The following PCDH11Y variants were observed in gnomAD, a reference collection of about 807,000 sequenced individuals.
The protein encoded by PCDH11Y is protocadherin-11 Y-linked.
For synonymous variants in PCDH11Y, 9 were observed against 83.6 expected, an observed-to-expected ratio of 0.11 and a Z score of 4.87; for missense variants, 12 against 224.8, an observed-to-expected ratio of 0.05 and a Z score of 6.05.
At chrY:5,340,767 A>T in intron 2 of PCDH11Y, among the ~76,000 whole-genome samples, 2 of 33,986 alleles carry the variant, frequency 5.9e-5, no homozygotes, top group East Asian at 1.5e-3. Flanking sequence ...TTCATAGATC[A>T]TCTTGAAGGT....
intron 3 of PCDH11Y, among the ~76,000 whole-genome samples, chrY:5,049,129 C>T: frequency 3.1e-5 from 1 of 32,240 alleles, no homozygotes; most frequent in South Asian, 7.0e-4. Flanking sequence ...TGTCCCAGCC[C>T]GATTTGTTGT....
At chrY:5,031,628 T>A in intron 1 of PCDH11Y, among the ~76,000 whole-genome samples, 1 of 32,438 alleles carries the variant, frequency 3.1e-5, no homozygotes, top group Non-Finnish European at 7.6e-5. Flanking sequence ...AGAAATACCT[T>A]CCAGTATACC....
intron 2 of PCDH11Y, among the ~76,000 whole-genome samples, chrY:5,317,456 G>T: frequency 1.5e-4 from 5 of 33,002 alleles, no homozygotes; most frequent in African/African-American, 4.7e-4. Context: ...TGGAGGTGGG[G>T]CCTGGTAGGA....
At chrY:5,578,640 A>G (rs2124697202) in intron 3 of PCDH11Y, among the ~76,000 whole-genome samples, 1 of 33,325 alleles carries the variant, frequency 3.0e-5, no homozygotes, top group South Asian at 6.8e-4. Context: ...GAAACAAAAA[A>G]AGCCCATAAG....
At chrY:5,328,878 C>A (rs1602905497) in intron 2 of PCDH11Y, among the ~76,000 whole-genome samples, 6 of 31,228 alleles carry the variant, frequency 1.9e-4, no homozygotes, top group Admixed American at 6.0e-4. Context: ...AAAGACTCAG[C>A]GACGCTTGGG....
intron 2 of PCDH11Y, among the ~76,000 whole-genome samples, chrY:5,385,848 G>C (rs1602916906): frequency 1.1e-3 from 35 of 33,169 alleles, no homozygotes; most frequent in African/African-American, 3.7e-3. Context: ...CCCACTTTTT[G>C]CTGGGATTTC....
At chrY:5,570,080 A>C in intron 3 of PCDH11Y, among the ~76,000 whole-genome samples, 2 of 33,117 alleles carry the variant, frequency 6.0e-5, no homozygotes, top group Non-Finnish European at 1.5e-4. Context: ...AGTGCAGATG[A>C]TTTTTAAGGC....
exon 5 of PCDH11Y, chrY:5,740,715 A>C: frequency 5.9e-5 from 2 of 33,947 alleles, no homozygotes; most frequent in South Asian, 1.3e-3. Context: ...ACAGCACACA[A>C]GTGGCTATTG....
chrY:5,004,877 T>C, intron 1 of PCDH11Y, among the ~76,000 whole-genome samples: 1 of 34,178 alleles, frequency 2.9e-5, no homozygotes, highest in Non-Finnish European at 7.3e-5. Context: ...GACACTCTTA[T>C]AGATCTAGGA....
chrY:5,535,993 C>T, intron 3 of PCDH11Y, among the ~76,000 whole-genome samples: 1 of 32,589 alleles, frequency 3.1e-5, no homozygotes, highest in Admixed American at 2.8e-4. Context: ...GGCGCGATAT[C>T]GGCTCACTGC....
chrY:5,636,499 A>G, intron 4 of PCDH11Y, among the ~76,000 whole-genome samples: 1 of 33,671 alleles, frequency 3.0e-5, no homozygotes, highest in Non-Finnish European at 7.4e-5. Context: ...TCTCTCTGAA[A>G]GCCAATTCAG....
downstream of PCDH11Y, chrY:5,105,198 CG>C (rs2052788369): frequency 6.7e-6 from 1 of 149,994 alleles, no homozygotes; most frequent in Admixed American, 2.9e-4. Flanking sequence ...GCCGAGATGG[CG>C]CCACTGCACT....
chrY:5,312,210 G>T, intron 2 of PCDH11Y, among the ~76,000 whole-genome samples: 1 of 32,705 alleles, frequency 3.1e-5, no homozygotes, highest in Non-Finnish European at 7.5e-5. Context: ...GGTGACCATT[G>T]TCTGTGTCCA....
intron 2 of PCDH11Y, among the ~76,000 whole-genome samples, chrY:5,244,796 G>C (rs2124656006): frequency 2.9e-5 from 1 of 34,182 alleles, no homozygotes; most frequent in South Asian, 6.4e-4. Context: ...AGTCATTTGA[G>C]CTCCTTGTGG....
At chrY:5,493,807 A>T in intron 2 of PCDH11Y, among the ~76,000 whole-genome samples, 1 of 33,627 alleles carries the variant, frequency 3.0e-5, no homozygotes, top group Non-Finnish European at 7.4e-5. Context: ...CAATGTTTTC[A>T]TTTCTAGCAG....
At chrY:5,045,635 T>C (rs2052634170) in intron 3 of PCDH11Y, among the ~76,000 whole-genome samples, 1 of 32,729 alleles carries the variant, frequency 3.1e-5, no homozygotes, top group Non-Finnish European at 7.5e-5. Flanking sequence ...GTTCTCTGTA[T>C]TTCCTGAATT....
At chrY:5,657,324 A>C in intron 4 of PCDH11Y, among the ~76,000 whole-genome samples, 1 of 33,770 alleles carries the variant, frequency 3.0e-5, no homozygotes, top group Non-Finnish European at 7.4e-5. Flanking sequence ...TTACTTCTTT[A>C]TCATTGTATA....
chrY:5,062,545 A>T, intron 1 of PCDH11Y, among the ~76,000 whole-genome samples: 1 of 32,717 alleles, frequency 3.1e-5, no homozygotes, highest in African/African-American at 1.2e-4. Flanking sequence ...AAAAATGACA[A>T]CATAAAACTC....
chrY:5,278,623 C>T, intron 2 of PCDH11Y, among the ~76,000 whole-genome samples: 2 of 33,611 alleles, frequency 6.0e-5, no homozygotes, highest in South Asian at 1.3e-3. Flanking sequence ...CTTAGTAGAA[C>T]CTCAGCCCAT....
Sources: gnomAD v4.1 joint callset for allele counts (sites outside exome capture counted in the v4.1 genomes callset) on GRCh38, gnomAD v4.1.1 for gene constraint, MANE v1.5 for transcripts, NCBI Gene and HGNC (gene_info 2026-07-23, HGNC 2026-07-21) for gene names.